GOPC: variants seen among roughly 807,000 people sequenced by gnomAD.
The protein encoded by GOPC is golgi associated PDZ and coiled-coil motif containing.
GOPC carries 32 observed loss-of-function variants against 51.2 expected under a neutral mutation model. The ratio of observed to expected loss-of-function variants is 0.63; its 90% CI spans 0.47 to 0.84. The LOEUF is 0.84. Among genes scored for constraint, GOPC ranks in the 40% least tolerant of loss-of-function variants. The pLI is 0.00. For missense variants in GOPC, 441 were observed against 555.5 expected (o/e 0.79, Z 2.07); for synonymous variants, 190 against 205.1 (o/e 0.93, Z 0.63).
chr6:117,600,939 T>C (rs1168941225), intron 1 of GOPC, among the ~76,000 whole-genome samples: 2 of 152,236 alleles, frequency 1.3e-5, no homozygotes, highest in African/African-American at 4.8e-5. Context: ...ACATATTTCA[T>C]GGCTAATAGG....
intron 1 of GOPC, among the ~76,000 whole-genome samples, chr6:117,583,249 T>C (rs191287504): frequency 2.4e-4 from 36 of 152,300 alleles, no homozygotes; most frequent in Middle Eastern, 3.4e-3. Flanking sequence ...TTGAGCAGGG[T>C]GGGCTGAGTA....
At chr6:117,598,533 C>A (rs534620849) in intron 1 of GOPC, among the ~76,000 whole-genome samples, 2 of 152,266 alleles carry the variant, frequency 1.3e-5, no homozygotes, top group East Asian at 3.9e-4. Flanking sequence ...AATTTTTCCA[C>A]AGGACAGCGT....
At chr6:117,601,719 G>A (rs1396254665) in intron 1 of GOPC, among the ~76,000 whole-genome samples, 3 of 152,188 alleles carry the variant, frequency 2.0e-5, no homozygotes, top group Admixed American at 6.5e-5. Flanking sequence ...ATCTTTGTTA[G>A]GTTTGTTAAT....
chr6:117,563,105 A>T lies in GOPC; in HGVS notation c.*149T>A. 1 of 664,042 alleles carries T rather than the reference A, an allele frequency of 1.5e-6. No homozygotes were observed. The highest frequency in any genetic ancestry group is 2.6e-6 in the Non-Finnish European group (1 of 382,594). The allele number at this position is 664,042 out of a possible 1,614,324, so 41.1% of individuals were successfully genotyped here. Reference sequence around the variant, plus strand: ...AGAAAACAGGGTGTTTTATGCATTGAGAATTGTTCACATGAAGCCCTGAGG... The same window carrying T: ...AGAAAACAGGGTGTTTTATGCATTGTGAATTGTTCACATGAAGCCCTGAGG... On this transcript the variant is annotated 3_prime_UTR_variant, in exon 9 of 9. Transcript: ENST00000368498.
At chr6:117,569,825 A>G (rs1248065198) in intron 6 of GOPC, 89 bp from the exon 7 acceptor site, 9 of 1,361,046 alleles carry the variant, frequency 6.6e-6, no homozygotes, top group Admixed American at 6.0e-5. Flanking sequence ...TCTTAAAAAT[A>G]TATTTCATTA....
intron 1 of GOPC, among the ~76,000 whole-genome samples, chr6:117,590,220 G>T (rs1310958442): frequency 6.6e-6 from 1 of 152,098 alleles, no homozygotes. Flanking sequence ...CCACAATCTG[G>T]GGACAAAAAG....
intron 5 of GOPC, 65 bp from the exon 6 acceptor site, chr6:117,571,020 T>G: frequency 1.4e-6 from 1 of 710,776 alleles, no homozygotes; most frequent in East Asian, 2.6e-5. Context: ...TAGAGTAAAC[T>G]CATACTATAT....
chr6:117,581,689 A>C (rs1562143570), intron 1 of GOPC, among the ~76,000 whole-genome samples: 1 of 152,232 alleles, frequency 6.6e-6, no homozygotes, highest in Non-Finnish European at 1.5e-5. Context: ...TATTCACTAA[A>C]TAAATATATA....
At chr6:117,574,353 T>C (rs1268901856) in intron 4 of GOPC, among the ~76,000 whole-genome samples, 1 of 152,178 alleles carries the variant, frequency 6.6e-6, no homozygotes, top group Non-Finnish European at 1.5e-5. Context: ...ATTAAAAGAA[T>C]ATGCACAAAA....
At chr6:117,568,257 T>C (rs1329735636) in intron 7 of GOPC, among the ~76,000 whole-genome samples, 1 of 152,070 alleles carries the variant, frequency 6.6e-6, no homozygotes, top group African/African-American at 2.4e-5. Context: ...TTCCAAGCTA[T>C]AATTGTCATT....
intron 1 of GOPC, among the ~76,000 whole-genome samples, chr6:117,592,592 C>T (rs1487847583): frequency 2.0e-5 from 3 of 152,110 alleles, no homozygotes; most frequent in Non-Finnish European, 4.4e-5. Flanking sequence ...GCCTTCTTCT[C>T]TGTGTCTGTG....
At chr6:117,567,381 C>T (rs897452600) in intron 7 of GOPC, among the ~76,000 whole-genome samples, 1 of 152,124 alleles carries the variant, frequency 6.6e-6, no homozygotes, top group Non-Finnish European at 1.5e-5. Context: ...TTGTACTGCA[C>T]ACAGCAATTC....
chr6:117,575,402 G>T, intron 3 of GOPC, 50 bp from the exon 4 acceptor site: 1 of 1,321,236 alleles, frequency 7.6e-7, no homozygotes, highest in Non-Finnish European at 1.1e-6. Flanking sequence ...AAACTCTTTA[G>T]CACTAGACCA....
chr6:117,570,344 C>T (rs9688594), intron 6 of GOPC, among the ~76,000 whole-genome samples: 36,578 of 151,746 alleles, frequency 0.24, 4,870 homozygotes, highest in East Asian at 0.34. Flanking sequence ...TTGCTCAGTG[C>T]CTAAGTATTA....
intron 1 of GOPC, among the ~76,000 whole-genome samples, chr6:117,588,737 T>C (rs917529215): frequency 2.0e-5 from 3 of 151,380 alleles, no homozygotes; most frequent in Non-Finnish European, 4.4e-5. Flanking sequence ...GTTTTCTCAG[T>C]TTAATTTCTA....
intron 1 of GOPC, among the ~76,000 whole-genome samples, chr6:117,600,759 T>C (rs1453692592): frequency 6.6e-6 from 1 of 152,176 alleles, no homozygotes; most frequent in Non-Finnish European, 1.5e-5. Context: ...TTACTACCAA[T>C]AAAGAAATCA....
intron 1 of GOPC, among the ~76,000 whole-genome samples, chr6:117,580,766 G>A (rs1377930458): frequency 6.6e-6 from 1 of 152,056 alleles, no homozygotes; most frequent in East Asian, 1.9e-4. Flanking sequence ...ACACTATTAA[G>A]GAAATGAAGA....
At position 117,601,995 on chromosome 6, in the gene GOPC, A is replaced by G; in HGVS notation, c.285+9T>C. ...TTGGATGCCATAGCCGCCAGCACCCACGGCTCACCTCCAGCTTGTGGTTGA... is the reference window on the plus strand; with the variant it reads ...TTGGATGCCATAGCCGCCAGCACCCGCGGCTCACCTCCAGCTTGTGGTTGA... On this transcript the variant is annotated intron_variant, in intron 1 of 8. Coordinates refer to ENST00000368498, the MANE Select transcript of GOPC (RefSeq NM_020399.4). The G allele has an allele frequency of 1.2e-6, 2 of 1,612,808 alleles. No homozygotes were observed. Among genetic ancestry groups the G allele is most frequent in the South Asian group, 2.2e-5 (2 of 91,048 alleles).
chr6:117,578,926 C>G lies in GOPC; in HGVS notation c.424G>C (p.Asp142His). Residue 142 changes from aspartate to histidine, a missense_variant, in exon 2 of 9, where the codon GAC (aspartate) becomes CAC (histidine). Physicochemically the swap from Asp to His is moderately conservative, Grantham distance 81. Around this residue, in one of 3 missense-constraint regions of GOPC, gnomAD observed 204 missense variants for 219.8 expected, o/e 0.93. Transcript: ENST00000368498. ...QLHAKTGQSA[D>H]SGTIKAKLSG... ...AATTTTGCCTTAATGGTACCAGAGT[C>G]AGCACTTTGACCAGTTTTAGCATGA... 6.2e-7 allele frequency: 1 copy of G among 1,605,690 alleles called. No individual in the cohort carries two copies. The highest frequency in any genetic ancestry group is 8.5e-7 in the Non-Finnish European group (1 of 1,176,782).
Sources: gnomAD v4.1 joint callset for allele counts (sites outside exome capture counted in the v4.1 genomes callset) on GRCh38, gnomAD v4.1.1 for gene constraint, gnomAD v4.1.1 regional missense constraint, MANE v1.5 for transcripts, NCBI Gene and HGNC (gene_info 2026-07-23, HGNC 2026-07-21) for gene names.